The following KCNH8 variants were observed in gnomAD, a reference collection of about 807,000 sequenced individuals.
KCNH8 encodes potassium voltage-gated channel subfamily H member 8.
In KCNH8, 70 loss-of-function variants were observed where a neutral mutation model predicts 103.6. That is an observed-to-expected ratio of 0.68 (90% confidence interval 0.56 to 0.82). KCNH8 has a LOEUF of 0.82. Among genes scored for constraint, KCNH8 ranks in the 40% least tolerant of loss-of-function variants. KCNH8 has a pLI of 0.00. For synonymous variants in KCNH8, 498 were observed against 489.4 expected, an observed-to-expected ratio of 1.02 and a Z score of -0.23; for missense variants, 1,217 against 1,329.9, an observed-to-expected ratio of 0.92 and a Z score of 1.32.
At chr3:19,460,706 G>A (rs147953709) in intron 11 of KCNH8, among the ~76,000 whole-genome samples, 1 of 152,244 alleles carries the variant, frequency 6.6e-6, no homozygotes, top group East Asian at 1.9e-4. Flanking sequence ...AGTTTCATAT[G>A]GTTTGACTGT....
chr3:19,341,858 AGAAT>A (rs1302074347), intron 3 of KCNH8, among the ~76,000 whole-genome samples: 6 of 152,114 alleles, frequency 3.9e-5, no homozygotes, highest in Non-Finnish European at 7.4e-5. Context: ...GTAAATTGCT[AGAAT>A]GAAATTTGGA....
At chr3:19,175,192 T>C (rs1036878464) in intron 1 of KCNH8, among the ~76,000 whole-genome samples, 11 of 152,130 alleles carry the variant, frequency 7.2e-5, no homozygotes, top group South Asian at 2.1e-4. Context: ...AGTTGTTGAC[T>C]TGAAACCTGC....
intron 10 of KCNH8, among the ~76,000 whole-genome samples, chr3:19,454,231 C>T (rs964291397): frequency 1.3e-5 from 2 of 149,350 alleles, no homozygotes; most frequent in African/African-American, 2.5e-5. Context: ...AACACTCTTC[C>T]TGGCCTCTTC....
intron 2 of KCNH8, 118 bp from the exon 3 acceptor site, chr3:19,281,080 G>A: frequency 1.0e-6 from 1 of 967,834 alleles, no homozygotes; most frequent in South Asian, 1.5e-5. Flanking sequence ...TTAAGATGGA[G>A]GGAGTTGTGG....
intron 1 of KCNH8, among the ~76,000 whole-genome samples, chr3:19,170,800 AT>A (rs2063339767): frequency 9.7e-6 from 1 of 103,616 alleles, no homozygotes; most frequent in Non-Finnish European, 1.9e-5. Flanking sequence ...ATATATATAT[AT>A]ATATATATAT....
chr3:19,436,029 T>C (rs559399556), intron 7 of KCNH8, among the ~76,000 whole-genome samples: 2 of 152,312 alleles, frequency 1.3e-5, no homozygotes, highest in South Asian at 4.1e-4. Flanking sequence ...ACTGGGTCCA[T>C]GGTAACTATG....
At chr3:19,371,987 C>T (rs2066104633) in intron 5 of KCNH8, among the ~76,000 whole-genome samples, 1 of 151,710 alleles carries the variant, frequency 6.6e-6, no homozygotes, top group African/African-American at 2.4e-5. Context: ...GTTTTGGTAC[C>T]AGTACCATGC....
At chr3:19,303,626 C>G (rs1038949731) in intron 3 of KCNH8, among the ~76,000 whole-genome samples, 2 of 152,058 alleles carry the variant, frequency 1.3e-5, no homozygotes, top group African/African-American at 4.8e-5. Context: ...CTATCACGTT[C>G]CCTGGAAAGC....
chr3:19,435,526 C>A (rs2067186494), intron 7 of KCNH8, among the ~76,000 whole-genome samples: 1 of 152,150 alleles, frequency 6.6e-6, no homozygotes, highest in Admixed American at 6.5e-5. Flanking sequence ...AACCTGCTAA[C>A]AAGGAAGCCC....
At chr3:19,253,593 A>G in intron 1 of KCNH8, 61 bp from the exon 2 acceptor site, 1 of 1,238,612 alleles carries the variant, frequency 8.1e-7, no homozygotes, top group Non-Finnish European at 1.2e-6. Context: ...TTATACAGGA[A>G]TTGTGTATAA....
intron 11 of KCNH8, among the ~76,000 whole-genome samples, chr3:19,478,199 A>C (rs996128359): frequency 3.3e-5 from 5 of 152,016 alleles, no homozygotes; most frequent in South Asian, 2.1e-4. Context: ...TGAATTCTAG[A>C]TTGATTCCAT....
chr3:19,323,865 T>G (rs2065384605), intron 3 of KCNH8, among the ~76,000 whole-genome samples: 1 of 152,198 alleles, frequency 6.6e-6, no homozygotes, highest in Admixed American at 6.5e-5. Context: ...CGTCTTCAGG[T>G]CTGTCAGCCA....
In KCNH8 at chr3:19,526,758, A is replaced by C. The variant is rs144065534; in HGVS notation, c.2620-6637A>C. Among the ~76,000 whole-genome samples, 43 of 152,094 alleles carry C rather than the reference A, an allele frequency of 2.8e-4. 1 individual carries two copies. In the East Asian group the frequency reaches 7.9e-3, roughly 28 times the overall value. On this transcript the variant is annotated intron_variant, in intron 15 of 15. Coordinates refer to ENST00000328405, the MANE Select transcript of KCNH8 (RefSeq NM_144633.3). Reference sequence around the variant, plus strand: ...TATGAAACATTCTTACCTGCTAGAGATATACTGACACTTCTTTATCTTTCA... The same window carrying C: ...TATGAAACATTCTTACCTGCTAGAGCTATACTGACACTTCTTTATCTTTCA...
chr3:19,459,849 A>G (rs1305628449), intron 11 of KCNH8, among the ~76,000 whole-genome samples: 2 of 152,154 alleles, frequency 1.3e-5, no homozygotes, highest in Middle Eastern at 3.4e-3. Flanking sequence ...AATTTTCATG[A>G]TTCTTTTTCT....
At chr3:19,466,065 C>T (rs779781749) in intron 11 of KCNH8, among the ~76,000 whole-genome samples, 7 of 151,918 alleles carry the variant, frequency 4.6e-5, no homozygotes, top group South Asian at 2.1e-4. Flanking sequence ...CTCCCATGCA[C>T]GGGCATGCAC....
At chr3:19,469,653 G>A (rs562156498) in intron 11 of KCNH8, among the ~76,000 whole-genome samples, 26 of 152,254 alleles carry the variant, frequency 1.7e-4, no homozygotes, top group Non-Finnish European at 1.6e-4. Flanking sequence ...AGATTCAGAA[G>A]TGATTGTGGC....
chr3:19,509,140 C>G (rs2068742897), intron 11 of KCNH8, among the ~76,000 whole-genome samples: 2 of 152,142 alleles, frequency 1.3e-5, no homozygotes, highest in Admixed American at 6.6e-5. Flanking sequence ...AAACTTATGT[C>G]TAAAATGCAT....
chr3:19,517,267 T>C (rs953017775), intron 14 of KCNH8, among the ~76,000 whole-genome samples: 1 of 152,106 alleles, frequency 6.6e-6, no homozygotes, highest in Non-Finnish European at 1.5e-5. Context: ...CTGCAAGATA[T>C]ATCTGCAAAA....
At chr3:19,327,112 A>G (rs927548153) in intron 3 of KCNH8, among the ~76,000 whole-genome samples, 10 of 152,326 alleles carry the variant, frequency 6.6e-5, no homozygotes, top group Admixed American at 6.5e-4. Context: ...AAGAGGGCAC[A>G]TATGGAAGCT....
Sources: allele counts gnomAD v4.1 joint callset (sites outside exome capture counted in the v4.1 genomes callset), GRCh38; gene constraint gnomAD v4.1.1; transcripts MANE v1.5; gene names NCBI Gene and HGNC (gene_info 2026-07-23, HGNC 2026-07-21).